PLB1: variants seen among roughly 807,000 people sequenced by gnomAD.
The protein encoded by PLB1 is phospholipase B1, membrane-associated.
PLB1 carries 242 observed loss-of-function variants against 227.4 expected under a neutral mutation model. The ratio of observed to expected loss-of-function variants is 1.06; its 90% confidence interval spans 0.96 to 1.18. PLB1 has a LOEUF of 1.18. PLB1 is among the 50% of genes most tolerant of loss of function. The pLI is 0.00. For missense variants in PLB1, 1,858 were observed against 1,816.3 expected (o/e 1.02, Z -0.42); for synonymous variants, 757 against 682.2 (o/e 1.11, Z -1.71).
intron 17 of PLB1, among the ~76,000 whole-genome samples, chr2:28,554,652 C>T (rs138777369): frequency 7.6e-4 from 115 of 152,050 alleles, no homozygotes; most frequent in African/African-American, 2.7e-3. Context: ...AATAGCCACA[C>T]ACATTTACAG....
At chr2:28,527,643 C>T (rs1329478168) in intron 6 of PLB1, among the ~76,000 whole-genome samples, 1 of 152,220 alleles carries the variant, frequency 6.6e-6, no homozygotes, top group Non-Finnish European at 1.5e-5. Context: ...GCTATGTGCT[C>T]AGTAAGTGGC....
intron 9 of PLB1, among the ~76,000 whole-genome samples, chr2:28,536,088 AG>A (rs1425077633): frequency 6.6e-6 from 1 of 152,218 alleles, no homozygotes; most frequent in East Asian, 1.9e-4. Flanking sequence ...TTTACCCTTA[AG>A]AGGAAATGTT....
In PLB1 at chr2:28,642,942, G is replaced by A. The variant is rs138281004; in HGVS notation, c.4258G>A (p.Val1420Ile). The stretch of plus-strand genomic sequence containing the variant: ...AGCCCCCGAGGTGCTCTACTGGGCT[G>A]TCCCAGTGGCAGCGGGAGTCGGCCT... ...EEAPEVLYWA[V>I]PVAAGVGLVV... Residue 1420 changes from valine (V) to isoleucine (I), a missense_variant, in exon 58 of 58, where the codon GTC becomes ATC. Transcript: ENST00000327757. 2.8e-5 allele frequency: 45 copies of A among 1,609,384 alleles called. No individual in the cohort carries two copies. The African/African-American group carries it at 5.9e-4, about 21-fold the overall frequency.
chr2:28,557,308 T>G (rs1249202188), intron 17 of PLB1, among the ~76,000 whole-genome samples: 3 of 152,192 alleles, frequency 2.0e-5, no homozygotes, highest in Non-Finnish European at 4.4e-5. Flanking sequence ...CACGCATTGG[T>G]TCATGGAAAC....
intron 2 of PLB1, among the ~76,000 whole-genome samples, chr2:28,518,222 C>G (rs924749882): frequency 1.3e-5 from 2 of 152,156 alleles, no homozygotes; most frequent in African/African-American, 2.4e-5. Context: ...TCTTTCTTCC[C>G]TCTCTACTCC....
chr2:28,546,283 G>A (rs1426212420), intron 14 of PLB1, among the ~76,000 whole-genome samples: 3 of 152,088 alleles, frequency 2.0e-5, no homozygotes. Context: ...CCACCTTTAG[G>A]GAACTGATGT....
intron 56 of PLB1, among the ~76,000 whole-genome samples, chr2:28,640,186 T>C (rs886820201): frequency 6.6e-6 from 1 of 152,144 alleles, no homozygotes; most frequent in African/African-American, 2.4e-5. Flanking sequence ...GAGTGGAGGC[T>C]AGACGTTCCA....
intron 22 of PLB1, among the ~76,000 whole-genome samples, chr2:28,578,419 G>A (rs1054223212): frequency 1.3e-5 from 2 of 152,180 alleles, no homozygotes; most frequent in Non-Finnish European, 2.9e-5. Context: ...CAAGGAGCTT[G>A]GAAGCGGAGA....
At chr2:28,623,377 C>T (rs6741834) in intron 49 of PLB1, among the ~76,000 whole-genome samples, 8,854 of 149,404 alleles carry the variant, frequency 0.059, 835 homozygotes, top group African/African-American at 0.21. Flanking sequence ...GGGGAAGAAG[C>T]GGCATTTGTA....
chr2:28,548,231 G>C (rs1028477286), intron 14 of PLB1, among the ~76,000 whole-genome samples: 18 of 152,274 alleles, frequency 1.2e-4, no homozygotes, highest in South Asian at 2.1e-4. Flanking sequence ...TCTATTGTGC[G>C]CAGATTTACC....
In PLB1 at chr2:28,632,059, C is replaced by G. The variant is rs780182466; in HGVS notation, c.3921C>G (p.Tyr1307Ter). The change falls in exon 55 of 58, where the codon TAC (tyrosine) becomes TAG (stop). Residue 1307 changes from tyrosine (Y) to a stop codon, truncating the protein, a stop_gained. Coordinates refer to ENST00000327757, the MANE Select transcript of PLB1 (RefSeq NM_153021.5). LOFTEE classifies it high-confidence loss of function. ...NLQHGISSFS[Y>*]WHQYTQREDF... ...AGCATGGCATCTCCAGTTTCTCCTA[C>G]TGGCACCAATACACACAGCGTGAGG... 1 of 1,613,974 alleles carries G rather than the reference C, an allele frequency of 6.2e-7. No homozygotes were observed.
Position 28,601,936 on chromosome 2 carries a change from G to A in PLB1, c.2645G>A (p.Arg882His), listed in dbSNP as rs72793588. The A allele has an allele frequency of 4.4e-3, 7,149 of 1,611,114 alleles. 21 individuals carry two copies. Among genetic ancestry groups the A allele is most frequent in the Non-Finnish European group, 5.6e-3 (6,622 of 1,177,410 alleles). The part of the protein sequence containing the change: ...YSAANFVHHL[R>H]NALDVLHREV... ...GCAGCCAACTTTGTTCACCATCTCC[G>A]CAATGCCTTGGACGTCCTGCATAGA... Residue 882 changes from arginine to histidine, a missense_variant, in exon 38 of 58, where the codon CGC becomes CAC. Arg to His is a conservative substitution (Grantham distance 29, BLOSUM62 0). Coordinates refer to ENST00000327757, the MANE Select transcript of PLB1 (RefSeq NM_153021.5).
intron 5 of PLB1, among the ~76,000 whole-genome samples, chr2:28,525,509 A>C (rs1442496916): frequency 1.3e-5 from 2 of 152,188 alleles, no homozygotes; most frequent in African/African-American, 4.8e-5. Context: ...TGAGAACCCC[A>C]GTGGGTCCTT....
At chr2:28,613,462 T>G (rs1486188782) in intron 43 of PLB1, among the ~76,000 whole-genome samples, 1 of 152,034 alleles carries the variant, frequency 6.6e-6, no homozygotes, top group Admixed American at 6.6e-5. Flanking sequence ...CACCTGCAAC[T>G]GGGGGGACTT....
chr2:28,594,182 G>T (rs1573272399), intron 33 of PLB1: 1 of 404,140 alleles, frequency 2.5e-6, no homozygotes. Context: ...GTACACATCT[G>T]CACAGAAAAC....
intron 54 of PLB1, among the ~76,000 whole-genome samples, chr2:28,631,583 C>A (rs1488552677): frequency 1.3e-5 from 2 of 152,232 alleles, no homozygotes; most frequent in Admixed American, 1.3e-4. Context: ...CGTGGACTCT[C>A]CTCCCGCAAA....
At chr2:28,599,182 A>C (rs1297591962) in intron 35 of PLB1, among the ~76,000 whole-genome samples, 1 of 152,226 alleles carries the variant, frequency 6.6e-6, no homozygotes, top group Non-Finnish European at 1.5e-5. Context: ...TCTGGAGCAA[A>C]GAGTCATGTC....
intron 17 of PLB1, among the ~76,000 whole-genome samples, chr2:28,555,211 C>A (rs7599404): frequency 6.9e-6 from 1 of 145,320 alleles, no homozygotes; most frequent in African/African-American, 2.6e-5. Context: ...GCGTGATTTC[C>A]GCTTACTGCA....
chr2:28,530,173 C>T (rs576542088), intron 8 of PLB1, among the ~76,000 whole-genome samples: 6 of 152,152 alleles, frequency 3.9e-5, no homozygotes, highest in Non-Finnish European at 8.8e-5. Context: ...GACCCATCCT[C>T]TTCAGAATGG....
Sources: allele counts gnomAD v4.1 joint callset (sites outside exome capture counted in the v4.1 genomes callset), GRCh38; gene constraint gnomAD v4.1.1; transcripts MANE v1.5; gene names NCBI Gene and HGNC (gene_info 2026-07-23, HGNC 2026-07-21).